The following SOX5 variants were observed in gnomAD, a reference collection of about 807,000 sequenced individuals.
The protein encoded by SOX5 is transcription factor SOX-5.
In SOX5, 9 loss-of-function variants were observed where a neutral mutation model predicts 92.0. That is an observed-to-expected ratio of 0.10 (90% CI 0.06 to 0.17). SOX5 has a LOEUF of 0.17. SOX5 is among the 10% of genes least tolerant of loss of function. The pLI, the probability that SOX5 is intolerant of heterozygous loss-of-function variation, is 1.00. For synonymous variants in SOX5, 344 were observed against 336.3 expected (o/e 1.02, Z -0.25); for missense variants, 642 against 944.5 (o/e 0.68, Z 4.20).
intron 1 of SOX5, among the ~76,000 whole-genome samples, chr12:24,522,822 A>T (rs1242642277): frequency 6.6e-6 from 1 of 152,194 alleles, no homozygotes; most frequent in Non-Finnish European, 1.5e-5. Context: ...CAACATTGAA[A>T]AACTGAAAGC....
In SOX5 at chr12:23,533,093, C is replaced by A. The variant is rs1195678734; in HGVS notation, c.*1126G>T. ...ACATTTAAAAATATAATTTCTGAGC[C>A]CTATACTTGGTTAAGTTGTCATTTG... is the stretch of plus-strand genomic sequence containing the variant. On this transcript the variant is annotated 3_prime_UTR_variant, in exon 15 of 15. Transcript: ENST00000451604. The A allele has an allele frequency of 4.5e-6, 2 of 448,466 alleles. No individual in the cohort carries two copies. Among genetic ancestry groups the A allele is most frequent in the Non-Finnish European group, 9.0e-6 (2 of 221,934 alleles). 27.8% of individuals were successfully genotyped at this position (448,466 alleles called of 1,614,324 possible). A position where few individuals can be genotyped will look rare whatever the true frequency, so the allele number is the denominator to read the frequency against.
At chr12:23,947,757 A>G (rs1203889871) in intron 1 of SOX5, among the ~76,000 whole-genome samples, 1 of 151,960 alleles carries the variant, frequency 6.6e-6, no homozygotes. Flanking sequence ...AGATTTGAGC[A>G]TCAGAATAGG....
chr12:24,465,649 G>C (rs79833211), intron 1 of SOX5, among the ~76,000 whole-genome samples: 111 of 152,316 alleles, frequency 7.3e-4, no homozygotes, highest in African/African-American at 2.5e-3. Flanking sequence ...CATCACATCT[G>C]TATGACAGTC....
chr12:24,372,735 C>T (rs1956863301), intron 1 of SOX5, among the ~76,000 whole-genome samples: 1 of 152,166 alleles, frequency 6.6e-6, no homozygotes, highest in African/African-American at 2.4e-5. Flanking sequence ...AACTAATTTA[C>T]ACTCCCACCA....
intron 1 of SOX5, among the ~76,000 whole-genome samples, chr12:24,530,345 C>T (rs548856511): frequency 6.6e-6 from 1 of 152,300 alleles, no homozygotes; most frequent in Non-Finnish European, 1.5e-5. Context: ...GATCCTCTCC[C>T]TACAATGCTG....
rs764095741 is a variant in SOX5 at position 23,781,261 on chromosome 12, A to AT, written c.482-25538dup. On this transcript the variant is annotated intron_variant, in intron 3 of 14. Transcript: ENST00000451604. The stretch of plus-strand genomic sequence containing the variant: ...AAACCTCTGCTGTTACCATGGAGGA[A>AT]TTTTTTTTTTTTTTAATCTTCCATC... Among the ~76,000 whole-genome samples, 1,165 of 145,088 alleles carry AT rather than the reference A, an allele frequency of 8.0e-3. 14 individuals carry two copies. The highest frequency in any genetic ancestry group is 0.024 in the African/African-American group (953 of 39,898).
intron 2 of SOX5, among the ~76,000 whole-genome samples, chr12:24,328,026 A>G (rs1950910266): frequency 6.6e-6 from 1 of 152,150 alleles, no homozygotes; most frequent in Admixed American, 6.5e-5. Context: ...TGTCAGAACT[A>G]GAACTCGGAT....
intron 3 of SOX5, among the ~76,000 whole-genome samples, chr12:23,811,660 T>A (rs2095876882): frequency 6.6e-6 from 1 of 152,084 alleles, no homozygotes; most frequent in Non-Finnish European, 1.5e-5. Context: ...TTAAATAAAG[T>A]TAGGGCTTTT....
At chr12:24,334,940 A>C (rs922093013) in intron 2 of SOX5, among the ~76,000 whole-genome samples, 1 of 151,950 alleles carries the variant, frequency 6.6e-6, no homozygotes, top group Non-Finnish European at 1.5e-5. Context: ...GATCTGGATG[A>C]AAATGTATAA....
chr12:24,416,478 A>AATGT (rs1325509335), intron 1 of SOX5, among the ~76,000 whole-genome samples: 1 of 152,248 alleles, frequency 6.6e-6, no homozygotes, highest in Non-Finnish European at 1.5e-5. Context: ...AGGAGCTACG[A>AATGT]ATGTATTCAA....
At chr12:24,329,094 A>T (rs1319084080) in intron 2 of SOX5, among the ~76,000 whole-genome samples, 3 of 152,254 alleles carry the variant, frequency 2.0e-5, no homozygotes, top group South Asian at 4.1e-4. Context: ...GTCATATACT[A>T]AAATGCTACC....
chr12:23,565,381 T>C (rs902560262), intron 10 of SOX5, among the ~76,000 whole-genome samples: 4 of 152,222 alleles, frequency 2.6e-5, no homozygotes, highest in African/African-American at 9.6e-5. Context: ...AGGATCAGTC[T>C]GATTTTCTTA....
intron 6 of SOX5, among the ~76,000 whole-genome samples, chr12:23,699,887 T>C (rs528426334): frequency 6.6e-6 from 1 of 152,260 alleles, no homozygotes; most frequent in South Asian, 2.1e-4. Context: ...ACTTTTAAAA[T>C]AGTTGATGCC....
intron 2 of SOX5, chr12:24,357,543 A>G (rs1004338860): frequency 5.9e-5 from 9 of 152,288 alleles, no homozygotes; most frequent in African/African-American, 2.2e-4. Context: ...ACCAACCACA[A>G]TTGAAACTGT....
At chr12:23,993,298 CATATT>C (rs1950730003) in intron 4 of SOX5, among the ~76,000 whole-genome samples, 1 of 151,984 alleles carries the variant, frequency 6.6e-6, no homozygotes, top group South Asian at 2.1e-4. Flanking sequence ...ACAAATAAGC[CATATT>C]AAAGAACAGA....
chr12:24,560,404 A>G (rs1406606222), intron 1 of SOX5, among the ~76,000 whole-genome samples: 1 of 152,226 alleles, frequency 6.6e-6, no homozygotes, highest in East Asian at 1.9e-4. Context: ...TATCTTGTAT[A>G]GTTCTGAGGA....
At chr12:23,978,121 G>A (rs1331692403) in intron 4 of SOX5, among the ~76,000 whole-genome samples, 1 of 152,122 alleles carries the variant, frequency 6.6e-6, no homozygotes, top group Non-Finnish European at 1.5e-5. Flanking sequence ...AATTCTGCTG[G>A]AGTAAGGACC....
At chr12:23,887,792 T>G (rs763717473) in intron 2 of SOX5, among the ~76,000 whole-genome samples, 2 of 152,102 alleles carry the variant, frequency 1.3e-5, no homozygotes, top group Non-Finnish European at 2.9e-5. Context: ...TTTCCCTTTT[T>G]TTAACTTTCT....
chr12:24,023,816 T>C, intron 4 of SOX5, among the ~76,000 whole-genome samples: 1 of 152,096 alleles, frequency 6.6e-6, no homozygotes, highest in South Asian at 2.1e-4. Flanking sequence ...ATTAATTCAT[T>C]ATTTATTGCA....
Sources: gnomAD v4.1 joint callset for allele counts (sites outside exome capture counted in the v4.1 genomes callset) on GRCh38, gnomAD v4.1.1 for gene constraint, MANE v1.5 for transcripts, NCBI Gene and HGNC (gene_info 2026-07-23, HGNC 2026-07-21) for gene names.